ZNF26: variants seen among roughly 807,000 people sequenced by gnomAD.
The protein encoded by ZNF26 is zinc finger protein 26, also known as epididymis luminal protein 179.
A neutral mutation model predicts 54.9 loss-of-function variants in ZNF26; 32 were observed. That is an observed-to-expected ratio of 0.58 (90% CI 0.44 to 0.78). The LOEUF (loss-of-function observed/expected upper bound fraction) is 0.78, where lower values mean the gene tolerates loss of function less well. Ranked by LOEUF, ZNF26 falls within the 30% of genes least tolerant of loss-of-function variation. ZNF26 has a pLI of 0.00. For synonymous variants in ZNF26, 221 were observed against 209.2 expected (o/e 1.06, Z -0.49); for missense variants, 524 against 634.0 (o/e 0.83, Z 1.86).
chr12:133,010,431 T>C lies in ZNF26; in HGVS notation c.552T>C (p.Arg184=). The C allele has an allele frequency of 6.2e-7, 1 of 1,613,944 alleles. No homozygotes were observed. Among genetic ancestry groups the C allele is most frequent in the Non-Finnish European group, 8.5e-7 (1 of 1,179,968 alleles). ...GTAGTGAATGTGGGAAAGCTTTTCG[T>C]TGTAAGTCACAGCTCATTGTACATC... ...CVCSECGKAF[R]CKSQLIVHLR... The change falls in exon 4 of 4, where the codon CGT becomes CGC. Residue 184 remains arginine (R), a synonymous_variant. Transcript: ENST00000328654.
At chr12:133,002,696 T>C (rs991820834) in intron 1 of ZNF26, among the ~76,000 whole-genome samples, 3 of 151,934 alleles carry the variant, frequency 2.0e-5, no homozygotes, top group Admixed American at 2.0e-4. Context: ...CGATTTCTAC[T>C]CACTGCAACC....
chr12:133,018,322 CATAG>C lies in ZNF26; in HGVS notation c.*6845_*6848del, dbSNP rs1953594323. 1 of 152,086 alleles carries C rather than the reference CATAG, an allele frequency of 6.6e-6. No individual in the cohort carries two copies. Among genetic ancestry groups the C allele is most frequent in the Non-Finnish European group, 1.5e-5 (1 of 68,032 alleles). The allele number at this position is 152,086 out of a possible 1,614,324, so 9.4% of individuals were successfully genotyped here. A position where few individuals can be genotyped will look rare whatever the true frequency, so the allele number is the denominator to read the frequency against. On this transcript the variant is annotated 3_prime_UTR_variant, in exon 4 of 4. Coordinates refer to ENST00000328654, the MANE Select transcript of ZNF26 (RefSeq NM_019591.4). ...TAGCAATGTGTTGTTGCATTTGTAA[CATAG>C]ATATATATATCAATACCAGCACAAA...
intron 1 of ZNF26, among the ~76,000 whole-genome samples, chr12:132,996,682 T>TA (rs1264273263): frequency 1.3e-5 from 2 of 152,222 alleles, no homozygotes; most frequent in Non-Finnish European, 2.9e-5. Context: ...TCTTTGTACT[T>TA]ACATATTTTA....
chr12:133,007,684 T>C, intron 3 of ZNF26, 152 bp downstream of exon 3: 1 of 553,378 alleles, frequency 1.8e-6, no homozygotes, highest in East Asian at 2.9e-5. Context: ...GCTCCTCAGA[T>C]AAGGACATCG....
intron 1 of ZNF26, among the ~76,000 whole-genome samples, chr12:132,991,785 A>G (rs1566252633): frequency 6.6e-6 from 1 of 152,182 alleles, no homozygotes; most frequent in Non-Finnish European, 1.5e-5. Context: ...CCGTCTCAAA[A>G]AAATGATCAG....
At chr12:133,007,348 G>C in intron 2 of ZNF26, 89 bp from the exon 3 acceptor site, 1 of 1,326,232 alleles carries the variant, frequency 7.5e-7, no homozygotes, top group Non-Finnish European at 1.1e-6. Context: ...TTCCCCAAGT[G>C]AGATGAGCAG....
chr12:132,989,844 G>A (rs1213786307), intron 1 of ZNF26, among the ~76,000 whole-genome samples: 1 of 152,212 alleles, frequency 6.6e-6, no homozygotes, highest in Non-Finnish European at 1.5e-5. Context: ...GTTGATCTTA[G>A]TGGGAAAGCT....
At chr12:132,990,494 A>C (rs1267778438) in intron 1 of ZNF26, among the ~76,000 whole-genome samples, 1 of 151,866 alleles carries the variant, frequency 6.6e-6, no homozygotes, top group Admixed American at 6.6e-5. Context: ...TTATGAGATA[A>C]TTTTTCTGTA....
At position 133,001,260 on chromosome 12, in the gene ZNF26, G is replaced by C. The variant is rs1953213254; in HGVS notation, c.34-5782G>C. On this transcript the variant is annotated intron_variant, in intron 1 of 3. Coordinates refer to ENST00000328654, the MANE Select transcript of ZNF26 (RefSeq NM_019591.4). This position sits in a 1 kb window ranked among gnomAD's most constrained non-coding sequence, Gnocchi z 4.7. ...CAGCCTTGTTTGTTATTGACTCTCA[G>C]TTACTTTCAGGTATGGGAAAGTTCA... 6.6e-6 allele frequency among the ~76,000 whole-genome samples: 1 copy of C among 152,138 alleles called. No homozygotes were observed. The highest frequency in any genetic ancestry group is 2.4e-5 in the African/African-American group (1 of 41,430).
At chr12:133,009,560 C>T (rs949350296) in intron 3 of ZNF26, among the ~76,000 whole-genome samples, 1 of 151,740 alleles carries the variant, frequency 6.6e-6, no homozygotes, top group Non-Finnish European at 1.5e-5. Flanking sequence ...CCACTGCACT[C>T]CAGCCTGAGT....
rs1953679544 is a variant in ZNF26 at position 133,024,668 on chromosome 12, C to T, written c.*13187C>T. 6.6e-6 allele frequency: 1 copy of T among 152,158 alleles called. No homozygotes were observed. The highest frequency in any genetic ancestry group is 1.9e-4 in the East Asian group (1 of 5,178). The allele number at this position is 152,158 out of a possible 1,614,324, so 9.4% of individuals were successfully genotyped here. A position where few individuals can be genotyped will look rare whatever the true frequency, so the allele number is the denominator to read the frequency against. On this transcript the variant is annotated 3_prime_UTR_variant, in exon 4 of 4. Transcript: ENST00000328654. ...TCCAGAAAGATCTGAAGCGGTGCCT[C>T]CTGACCCCCTTCAATGAATAAACAA...
In ZNF26 at chr12:132,991,061, G is replaced by T. The variant is rs1056267500; in HGVS notation, c.33+4188G>T. 2.6e-5 allele frequency among the ~76,000 whole-genome samples: 4 copies of T among 151,606 alleles called. No homozygotes were observed. The South Asian group carries it at 8.4e-4, about 32-fold the overall frequency. Reference sequence around the variant, plus strand: ...TTTAGTAGAGACAGGGTTTCACTATGTTGGCCAGGCTGGTCTCGAACTCCT... The same window carrying T: ...TTTAGTAGAGACAGGGTTTCACTATTTTGGCCAGGCTGGTCTCGAACTCCT... On this transcript the variant is annotated intron_variant, in intron 1 of 3. Transcript: ENST00000328654.
chr12:132,986,746 T>G lies in ZNF26; in HGVS notation c.-95T>G. On this transcript the variant is annotated 5_prime_UTR_variant, in exon 1 of 4. Transcript: ENST00000328654. The stretch of plus-strand genomic sequence containing the variant: ...GACGGTCAGGAGCCTGGGGCCCTGG[T>G]CCCGCACCTGTCTTCGGGCGGACGC... The G allele has an allele frequency of 1.4e-6, 2 of 1,403,444 alleles. No individual in the cohort carries two copies. Among genetic ancestry groups the G allele is most frequent in the Non-Finnish European group, 2.0e-6 (2 of 1,023,444 alleles). The allele number at this position is 1,403,444 out of a possible 1,614,324, so 86.9% of individuals were successfully genotyped here.
intron 1 of ZNF26, among the ~76,000 whole-genome samples, chr12:132,997,215 G>A (rs1043406504): frequency 6.6e-6 from 1 of 152,216 alleles, no homozygotes; most frequent in Non-Finnish European, 1.5e-5. Context: ...AAGCCCACAC[G>A]GTAGATGAAC....
rs1344205935 is a variant in ZNF26, at chr12:133,008,102, G to A, written c.256+570G>A. 9.9e-5 allele frequency among the ~76,000 whole-genome samples: 15 copies of A among 152,122 alleles called. No homozygotes were observed. In the East Asian group the frequency reaches 1.9e-3, roughly 20 times the overall value. On this transcript the variant is annotated intron_variant, in intron 3 of 3. Coordinates refer to ENST00000328654, the MANE Select transcript of ZNF26 (RefSeq NM_019591.4). Reference sequence around the variant, plus strand: ...AGGCTCTTCCGTTCCGAAGGTTTACGCTTTCCCCCCAGTGTTGTAACATCA... The same window carrying A: ...AGGCTCTTCCGTTCCGAAGGTTTACACTTTCCCCCCAGTGTTGTAACATCA...
rs1340492226 is a variant in ZNF26 at position 133,022,047 on chromosome 12, CCT to C, written c.*10567_*10568del. On this transcript the variant is annotated 3_prime_UTR_variant, in exon 4 of 4. Transcript: ENST00000328654. ...CAGTCTAGCCAACATGGTGATAGCCCCTGTTTACCAAAAATACAAAAATTAGC... is the reference window on the plus strand; with the variant it reads ...CAGTCTAGCCAACATGGTGATAGCCCGTTTACCAAAAATACAAAAATTAGC... 6.6e-6 allele frequency: 1 copy of C among 151,824 alleles called. No individual in the cohort carries two copies. Among genetic ancestry groups the C allele is most frequent in the African/African-American group, 2.4e-5 (1 of 41,330 alleles). The allele number at this position is 151,824 out of a possible 1,614,324, so 9.4% of individuals were successfully genotyped here. A position where few individuals can be genotyped will look rare whatever the true frequency, so the allele number is the denominator to read the frequency against.
At chr12:133,007,703 C>T (rs931859338) in intron 3 of ZNF26, among the ~76,000 whole-genome samples, 171 bp downstream of exon 3, 1 of 152,136 alleles carries the variant, frequency 6.6e-6, no homozygotes, top group Non-Finnish European at 1.5e-5. Flanking sequence ...CGCCGTCACT[C>T]TTCATATATT....
In ZNF26 at chr12:133,020,968, T is replaced by TCTCCAAATAAGGCCTCA. The variant is rs1953631990; in HGVS notation, c.*9491_*9507dup. On this transcript the variant is annotated 3_prime_UTR_variant, in exon 4 of 4. Transcript: ENST00000328654. The stretch of plus-strand genomic sequence containing the variant: ...CATTGTTAACTCTGTACAGACCCTC[T>TCTCCAAATAAGGCCTCA]CTCCAAATAAGGCCTCACTCTGAGG... 2.6e-5 allele frequency: 4 copies of TCTCCAAATAAGGCCTCA among 152,186 alleles called. No individual in the cohort carries two copies. In the South Asian group the frequency reaches 6.2e-4, roughly 24 times the overall value. The allele number at this position is 152,186 out of a possible 1,614,324, so 9.4% of individuals were successfully genotyped here.
At chr12:133,008,692 T>G (rs370814260) in intron 3 of ZNF26, among the ~76,000 whole-genome samples, 2 of 145,318 alleles carry the variant, frequency 1.4e-5, no homozygotes, top group Non-Finnish European at 3.0e-5. Context: ...AGGAGAATGG[T>G]GTGAACCCAG....
Sources: gnomAD v4.1 joint callset for allele counts (sites outside exome capture counted in the v4.1 genomes callset) on GRCh38, gnomAD v4.1.1 for gene constraint, Gnocchi (gnomAD v3.1) non-coding constraint, MANE v1.5 for transcripts, NCBI Gene and HGNC (gene_info 2026-07-23, HGNC 2026-07-21) for gene names.